The following OPCML variants were observed in gnomAD, a reference collection of about 807,000 sequenced individuals.
The protein encoded by OPCML is opioid binding protein/cell adhesion molecule like.
Under a neutral mutation model 37.8 loss-of-function variants are expected in OPCML, and 13 were observed. The ratio of observed to expected loss-of-function variants is 0.34; its 90% CI spans 0.22 to 0.55. The LOEUF (loss-of-function observed/expected upper bound fraction) is 0.55. Among genes scored for constraint, OPCML ranks in the 20% least tolerant of loss-of-function variants. The pLI is 0.91. For synonymous variants in OPCML, 176 were observed against 168.8 expected, an observed-to-expected ratio of 1.04 and a Z score of -0.33; for missense variants, 341 against 435.6, an observed-to-expected ratio of 0.78 and a Z score of 1.93.
intron 1 of OPCML, among the ~76,000 whole-genome samples, chr11:133,037,277 C>T (rs4622273): frequency 2.0e-5 from 3 of 151,968 alleles, no homozygotes; most frequent in East Asian, 3.9e-4. Context: ...AATCTCAATA[C>T]GTAAGAGTTA....
chr11:133,045,428 C>T (rs1565416318), intron 1 of OPCML, among the ~76,000 whole-genome samples: 1 of 152,222 alleles, frequency 6.6e-6, no homozygotes, highest in African/African-American at 2.4e-5. Flanking sequence ...GATTTCCTCT[C>T]ATTCCTTCCA....
At chr11:132,459,337 C>A (rs1279708563) in intron 4 of OPCML, among the ~76,000 whole-genome samples, 8 of 151,712 alleles carry the variant, frequency 5.3e-5, no homozygotes, top group Admixed American at 4.6e-4. Flanking sequence ...TTGGAGAAGG[C>A]AGGTCTTGGG....
chr11:132,783,334 A>T (rs1233905000), intron 2 of OPCML, among the ~76,000 whole-genome samples: 1 of 151,846 alleles, frequency 6.6e-6, no homozygotes, highest in Non-Finnish European at 1.5e-5. Context: ...CTTCCAATAC[A>T]TGAGACCTTT....
In OPCML at chr11:132,546,181, ACT is replaced by A. The variant is rs2096368258; in HGVS notation, c.380-16997_380-16996del. Among the ~76,000 whole-genome samples the A allele has an allele frequency of 3.3e-5, 5 of 151,988 alleles. No homozygotes were observed. The South Asian group carries it at 8.3e-4, about 25-fold the overall frequency. On this transcript the variant is annotated intron_variant, in intron 3 of 7. Transcript: ENST00000524381. ...GGGTAATTCCTACTGTCTTCGGTGA[ACT>A]CTCTGTTTATGTCTTTTGCCCAGGG...
At chr11:133,509,635 C>T (rs925533305) in intron 1 of OPCML, among the ~76,000 whole-genome samples, 1 of 152,164 alleles carries the variant, frequency 6.6e-6, no homozygotes, top group Non-Finnish European at 1.5e-5. Context: ...AGTTCTAAGT[C>T]GGGAGCTCCA....
chr11:133,531,769 G>GAC (rs1948609894), intron 1 of OPCML, among the ~76,000 whole-genome samples: 2 of 150,494 alleles, frequency 1.3e-5, no homozygotes. Context: ...GAGAGAGAGA[G>GAC]AGAAAAGAAA....
intron 2 of OPCML, among the ~76,000 whole-genome samples, chr11:132,812,251 C>T (rs1433683409): frequency 1.3e-5 from 2 of 152,082 alleles, no homozygotes; most frequent in Non-Finnish European, 2.9e-5. Context: ...ATTTACACTG[C>T]GCATTGCAAA....
intron 2 of OPCML, among the ~76,000 whole-genome samples, chr11:132,709,503 T>C (rs1944173457): frequency 6.6e-6 from 1 of 152,170 alleles, no homozygotes. Flanking sequence ...TGCATTTAGT[T>C]GTCCTTTTTC....
intron 3 of OPCML, among the ~76,000 whole-genome samples, chr11:132,588,915 A>G (rs1272432007): frequency 6.6e-6 from 1 of 152,200 alleles, no homozygotes; most frequent in East Asian, 1.9e-4. Context: ...TGTTCCAAGC[A>G]ATGCAATCTA....
At chr11:132,583,926 T>A (rs565673142) in intron 3 of OPCML, among the ~76,000 whole-genome samples, 22 of 152,236 alleles carry the variant, frequency 1.4e-4, no homozygotes, top group Middle Eastern at 3.4e-3. Flanking sequence ...TAGGCTGATT[T>A]TTTTTATAGT....
chr11:132,520,930 G>T (rs921076473), intron 4 of OPCML, among the ~76,000 whole-genome samples: 5 of 152,102 alleles, frequency 3.3e-5, no homozygotes, highest in Middle Eastern at 3.4e-3. Context: ...TGGGTCAAAT[G>T]GTATTCCTGG....
chr11:132,526,320 A>G (rs1275905604), intron 4 of OPCML, among the ~76,000 whole-genome samples: 2 of 152,144 alleles, frequency 1.3e-5, no homozygotes, highest in Admixed American at 6.6e-5. Flanking sequence ...ATAGTTTTGT[A>G]TATAATATAA....
At chr11:133,321,595 G>C (rs1025761446) in intron 1 of OPCML, among the ~76,000 whole-genome samples, 2 of 152,088 alleles carry the variant, frequency 1.3e-5, no homozygotes, top group Admixed American at 1.3e-4. Flanking sequence ...CTCTGGACAG[G>C]CATGTTACAC....
chr11:133,196,925 C>T (rs1938558844), intron 1 of OPCML, among the ~76,000 whole-genome samples: 1 of 152,156 alleles, frequency 6.6e-6, no homozygotes, highest in Non-Finnish European at 1.5e-5. Context: ...TACAATTTGA[C>T]ATTACTCAAA....
At position 133,232,807 on chromosome 11, in the gene OPCML, C is replaced by T. The variant is rs184749962; in HGVS notation, c.62-289797G>A. ...GAAAAGCGACCCTCACCAAACAGGT[C>T]GGACTGCCACCAAGTGAATAAAATT... On this transcript the variant is annotated intron_variant, in intron 1 of 7. Transcript: ENST00000524381. Among the ~76,000 whole-genome samples the T allele has an allele frequency of 7.2e-5, 11 of 152,266 alleles. No individual in the cohort carries two copies. The East Asian group carries it at 7.7e-4, about 11-fold the overall frequency.
chr11:133,005,299 G>A (rs1294160555), intron 1 of OPCML: 1 of 985,342 alleles, frequency 1.0e-6, no homozygotes, highest in Admixed American at 6.1e-5. Context: ...TGAATGAATG[G>A]CTAGATCCAT....
intron 2 of OPCML, among the ~76,000 whole-genome samples, chr11:132,912,625 G>A (rs1316141448): frequency 3.3e-5 from 5 of 152,136 alleles, no homozygotes; most frequent in Admixed American, 3.3e-4. Flanking sequence ...CCCTATGACA[G>A]CTTTCAACAC....
At chr11:132,719,942 C>T (rs933621281) in intron 2 of OPCML, among the ~76,000 whole-genome samples, 2 of 152,142 alleles carry the variant, frequency 1.3e-5, no homozygotes, top group Non-Finnish European at 2.9e-5. Flanking sequence ...TGTGCGAAAC[C>T]GTTTGGAACT....
intron 3 of OPCML, among the ~76,000 whole-genome samples, chr11:132,617,040 T>C (rs1939074969): frequency 6.6e-6 from 1 of 152,208 alleles, no homozygotes; most frequent in African/African-American, 2.4e-5. Flanking sequence ...TCATTAGAAG[T>C]ATATGTTGCA....
Sources: gnomAD v4.1 joint callset for allele counts (sites outside exome capture counted in the v4.1 genomes callset) on GRCh38, gnomAD v4.1.1 for gene constraint, MANE v1.5 for transcripts, NCBI Gene and HGNC (gene_info 2026-07-23, HGNC 2026-07-21) for gene names.